Variants in CDA observed in about 807,000 individuals in gnomAD.
CDA encodes cytidine deaminase.
In CDA, 7 loss-of-function variants were observed where a neutral mutation model predicts 15.0. The ratio of observed to expected loss-of-function variants is 0.47; its 90% CI spans 0.26 to 0.87. The LOEUF is 0.87. Ranked by LOEUF, CDA falls within the 40% of genes least tolerant of loss-of-function variation. The pLI, the probability that CDA is intolerant of heterozygous loss-of-function variation, is 0.15. For missense variants in CDA, 159 were observed against 182.7 expected (o/e 0.87, Z 0.75); for synonymous variants, 58 against 73.0 (o/e 0.79, Z 1.05).
At chr1:20,593,704 A>T (rs1388779564) in intron 1 of CDA, among the ~76,000 whole-genome samples, 1 of 152,212 alleles carries the variant, frequency 6.6e-6, no homozygotes, top group Non-Finnish European at 1.5e-5. Context: ...CCTCCCAAGT[A>T]GCTGGGACTA....
intron 1 of CDA, among the ~76,000 whole-genome samples, chr1:20,604,493 C>T (rs558145942): frequency 1.3e-5 from 2 of 152,296 alleles, no homozygotes; most frequent in Admixed American, 6.5e-5. Flanking sequence ...AATACCATCA[C>T]TTTGGGGGCT....
intron 1 of CDA, among the ~76,000 whole-genome samples, chr1:20,599,792 A>G (rs2052625260): frequency 6.6e-6 from 1 of 152,170 alleles, no homozygotes; most frequent in East Asian, 1.9e-4. Context: ...GCAATTGATA[A>G]CAGCAGCAGC....
At chr1:20,589,984 C>T (rs1168529099) in intron 1 of CDA, among the ~76,000 whole-genome samples, 1 of 152,234 alleles carries the variant, frequency 6.6e-6, no homozygotes, top group Non-Finnish European at 1.5e-5. Context: ...TGTTCCTAAA[C>T]TCTTTTCTTT....
intron 2 of CDA, among the ~76,000 whole-genome samples, chr1:20,610,672 G>C (rs1388822926): frequency 6.6e-6 from 1 of 152,134 alleles, no homozygotes; most frequent in African/African-American, 2.4e-5. Flanking sequence ...TAATAAAACT[G>C]TGTATGATAA....
rs551383736 is a variant in CDA at position 20,604,779 on chromosome 1, C to T, written c.155-149C>T. 230 of 682,088 alleles carry T rather than the reference C, an allele frequency of 3.4e-4. 2 individuals carry two copies. The highest frequency in any genetic ancestry group is 1.7e-3 in the South Asian group (111 of 65,706). 42.3% of individuals were successfully genotyped at this position (682,088 alleles called of 1,614,324 possible). A position where few individuals can be genotyped will look rare whatever the true frequency, so the allele number is the denominator to read the frequency against. On this transcript the variant is annotated intron_variant, in intron 1 of 3. Coordinates refer to ENST00000375071, the MANE Select transcript of CDA (RefSeq NM_001785.3). ...CAAAGAATCTACCAGTGCCCCAGGT[C>T]GAATTGCCCTAATTGCCCTGTCCTT...
intron 1 of CDA, among the ~76,000 whole-genome samples, chr1:20,594,604 A>G (rs1255555618): frequency 3.9e-5 from 6 of 152,038 alleles, no homozygotes. Flanking sequence ...CCTGGCCAAC[A>G]TGGTAAAACC....
chr1:20,595,863 G>T lies in CDA; in HGVS notation c.154+6580G>T, dbSNP rs373991928. Among the ~76,000 whole-genome samples, 133 of 123,782 alleles carry T rather than the reference G, an allele frequency of 1.1e-3. 1 individual carries two copies. In the East Asian group the frequency reaches 0.023, roughly 21 times the overall value. The allele number at this position is 123,782 out of a possible 152,430, so 81.2% of individuals were successfully genotyped here. A position where few individuals can be genotyped will look rare whatever the true frequency, so the allele number is the denominator to read the frequency against. ...CTCTCAAAAAAAAAAAAAAAAAAAA[G>T]GCCAGGCACGGTGGCTCATACCTGT... On this transcript the variant is annotated intron_variant, in intron 1 of 3. Transcript: ENST00000375071.
intron 2 of CDA, among the ~76,000 whole-genome samples, chr1:20,606,119 G>A (rs1255730772): frequency 1.6e-5 from 2 of 124,154 alleles, no homozygotes; most frequent in African/African-American, 5.7e-5. Flanking sequence ...TCAAGGAGAA[G>A]GGCTCCAGTA....
At chr1:20,601,096 G>C (rs897920515) in intron 1 of CDA, among the ~76,000 whole-genome samples, 2 of 152,192 alleles carry the variant, frequency 1.3e-5, no homozygotes, top group Admixed American at 1.3e-4. Context: ...TAAACCGTGG[G>C]AAGACCTGGA....
chr1:20,589,282 A>T lies in CDA; in HGVS notation c.153A>T (p.Lys51Asn). 1 of 1,613,796 alleles carries T rather than the reference A, an allele frequency of 6.2e-7. No homozygotes were observed. Among genetic ancestry groups the T allele is most frequent in the East Asian group, 2.2e-5 (1 of 44,866 alleles). The change falls in exon 1 of 4, where the codon AAA (lysine) becomes AAT (asparagine). Residue 51 changes from lysine to asparagine, a missense_variant and splice_region_variant. Lys to Asn is a moderately conservative substitution (Grantham distance 94, BLOSUM62 0). Coordinates refer to ENST00000375071, the MANE Select transcript of CDA (RefSeq NM_001785.3). ...TCACCCAGGAGGGGAGAATCTTCAA[A>T]GGTAAAGGTGGGCACCCCAGGGTCC... Reference protein sequence around the residue: ...ALLTQEGRIFKGCNIENACYP... With the variant: ...ALLTQEGRIFNGCNIENACYP...
chr1:20,616,586 T>G (rs1481112430), intron 3 of CDA, among the ~76,000 whole-genome samples: 1 of 152,126 alleles, frequency 6.6e-6, no homozygotes, highest in East Asian at 1.9e-4. Flanking sequence ...GGGCGCCAAG[T>G]CCCTGGCTCC....
chr1:20,618,848 G>T lies in CDA; in HGVS notation c.*280G>T. The T allele has an allele frequency of 2.3e-6, 1 of 432,660 alleles. No homozygotes were observed. The highest frequency in any genetic ancestry group is 2.1e-5 in the South Asian group (1 of 46,902). The allele number at this position is 432,660 out of a possible 1,614,324, so 26.8% of individuals were successfully genotyped here. ...CTGCTTCCCCATCAGCCTTCCCAAG[G>T]TTCTATCCTGTTCCGAGCAACTTTT... On this transcript the variant is annotated 3_prime_UTR_variant, in exon 4 of 4. Transcript: ENST00000375071.
intron 1 of CDA, among the ~76,000 whole-genome samples, chr1:20,589,954 C>A (rs117950676): frequency 6.6e-6 from 1 of 152,230 alleles, no homozygotes; most frequent in South Asian, 2.1e-4. Flanking sequence ...AACCTGAGCC[C>A]ATCTGAGTCT....
chr1:20,615,842 A>C (rs1019892494), intron 3 of CDA, among the ~76,000 whole-genome samples: 1 of 152,126 alleles, frequency 6.6e-6, no homozygotes, highest in African/African-American at 2.4e-5. Context: ...CCCTTCAAAC[A>C]ATTTAAAAAT....
intron 1 of CDA, among the ~76,000 whole-genome samples, chr1:20,596,275 G>C (rs1159816063): frequency 1.3e-5 from 2 of 152,216 alleles, no homozygotes; most frequent in Non-Finnish European, 2.9e-5. Flanking sequence ...GGAACATGGA[G>C]AGAGTGTCGT....
chr1:20,592,601 C>T (rs1172969251), intron 1 of CDA, among the ~76,000 whole-genome samples: 1 of 152,166 alleles, frequency 6.6e-6, no homozygotes, highest in Non-Finnish European at 1.5e-5. Context: ...GGAACAGTGT[C>T]AGGGTACAGT....
chr1:20,599,474 G>T (rs573992205), intron 1 of CDA, among the ~76,000 whole-genome samples: 3 of 151,390 alleles, frequency 2.0e-5, no homozygotes, highest in Non-Finnish European at 4.4e-5. Flanking sequence ...AAAATTAGCC[G>T]GGCGTGGTGG....
intron 1 of CDA, among the ~76,000 whole-genome samples, chr1:20,594,603 C>A (rs1438256142): frequency 6.6e-6 from 1 of 151,906 alleles, no homozygotes; most frequent in Admixed American, 6.6e-5. Context: ...GCCTGGCCAA[C>A]ATGGTAAAAC....
In CDA at chr1:20,611,404, C is replaced by T. The variant is rs765246327; in HGVS notation, c.267-2438C>T. ...TGTTTTGTTTTGTTTTGTTTTGAGG[C>T]GGAGTCTCGCTCTGTCACCAGGCTG... On this transcript the variant is annotated intron_variant, in intron 2 of 3. Transcript: ENST00000375071. Among the ~76,000 whole-genome samples the T allele has an allele frequency of 5.7e-4, 86 of 151,928 alleles. 1 individual carries two copies. Among genetic ancestry groups the T allele is most frequent in the Middle Eastern group, 3.4e-3 (1 of 294 alleles).
Sources: gnomAD v4.1 joint callset for allele counts (sites outside exome capture counted in the v4.1 genomes callset) on GRCh38, gnomAD v4.1.1 for gene constraint, MANE v1.5 for transcripts, NCBI Gene and HGNC (gene_info 2026-07-23, HGNC 2026-07-21) for gene names.